Variants in GRIP2 observed in about 807,000 individuals in gnomAD.
GRIP2 encodes glutamate receptor interacting protein 2.
GRIP2 carries 58 observed loss-of-function variants against 108.3 expected under a neutral mutation model. That is an observed-to-expected ratio of 0.54 (90% confidence interval 0.43 to 0.67). GRIP2 has a LOEUF of 0.67. GRIP2 is among the 30% of genes least tolerant of loss of function. GRIP2 has a pLI of 0.00. For synonymous variants in GRIP2, 586 were observed against 598.2 expected (o/e 0.98, Z 0.30); for missense variants, 1,278 against 1,430.6 (o/e 0.89, Z 1.72).
the GRIP2 span, among the ~76,000 whole-genome samples, chr3:14,600,918 G>A: frequency 3.3e-5 from 5 of 152,150 alleles, no homozygotes; most frequent in African/African-American, 1.2e-4. Context: ...CTCAAGAGAT[G>A]TGTTCAGTGT....
Position 14,513,804 on chromosome 3 carries a change from C to T in GRIP2, c.1500G>A (p.Gly500=). 6.2e-7 allele frequency: 1 copy of T among 1,612,880 alleles called. No homozygotes were observed. The highest frequency in any genetic ancestry group is 8.5e-7 in the Non-Finnish European group (1 of 1,179,552). The change falls in exon 13 of 24, where the codon GGG becomes GGA. Residue 500 remains glycine, a synonymous_variant. Coordinates refer to ENST00000621039, the MANE Select transcript of GRIP2 (RefSeq NM_001080423.4). ...IEPDSPAERC[G]LLQVGDRVLS... ...GGACACGGTCCCCCACCTGCAGCAGCCCACACCTGAACCCAGGGGGCCCGG... is the reference window on the plus strand; with the variant it reads ...GGACACGGTCCCCCACCTGCAGCAGTCCACACCTGAACCCAGGGGGCCCGG...
chr3:14,566,505 G>A, the GRIP2 span, among the ~76,000 whole-genome samples: 7 of 152,252 alleles, frequency 4.6e-5, no homozygotes, highest in Non-Finnish European at 5.9e-5. Flanking sequence ...AACCGCAGCA[G>A]AGAATGCCAG....
upstream of GRIP2, among the ~76,000 whole-genome samples, chr3:14,546,503 C>G (rs1695060452): frequency 6.6e-6 from 1 of 152,140 alleles, no homozygotes; most frequent in Admixed American, 6.5e-5. Context: ...CTCTGAGCCT[C>G]ATTTTCCCCT....
intron 1 of GRIP2, among the ~76,000 whole-genome samples, chr3:14,532,056 G>A (rs1402628267): frequency 6.6e-6 from 1 of 152,210 alleles, no homozygotes; most frequent in Non-Finnish European, 1.5e-5. Context: ...GTTAGCAGAA[G>A]AGGCTCAGGG....
rs1701347120 is a variant in GRIP2, at chr3:14,491,978, G to A, written c.*1687C>T. 6.6e-6 allele frequency: 1 copy of A among 152,466 alleles called. No individual in the cohort carries two copies. Among genetic ancestry groups the A allele is most frequent in the Non-Finnish European group, 1.5e-5 (1 of 68,230 alleles). The allele number at this position is 152,466 out of a possible 1,614,324, so 9.4% of individuals were successfully genotyped here. ...CACAAGCATGCAGGGCCCTCAGGGA[G>A]GGCACCAAGGGGCAGAGCCCAGCGA... is the stretch of plus-strand genomic sequence containing the variant. On this transcript the variant is annotated 3_prime_UTR_variant, in exon 24 of 24. Transcript: ENST00000621039.
rs767518214 is a variant in GRIP2 at position 14,500,066 on chromosome 3, TAAAAC to T, written c.2679+3495_2679+3499del. 9.9e-5 allele frequency among the ~76,000 whole-genome samples: 15 copies of T among 151,964 alleles called. No homozygotes were observed. The East Asian group carries it at 1.4e-3, about 14-fold the overall frequency. ...GCCTTTAAAAAAAGACTATGAAGAT[TAAAAC>T]AAAACAAAACAAAACAAAATTGTAG... On this transcript the variant is annotated intron_variant, in intron 21 of 23. Transcript: ENST00000621039.
At chr3:14,550,457 A>G (rs1200258531) in intron 1 of GRIP2, among the ~76,000 whole-genome samples, 2 of 152,178 alleles carry the variant, frequency 1.3e-5, no homozygotes, top group Admixed American at 1.3e-4. Context: ...CCCTAGAAGA[A>G]GACACCAGCA....
At chr3:14,560,503 C>T (rs1340939700), upstream of GRIP2, among the ~76,000 whole-genome samples, 1 of 152,086 alleles carries the variant, frequency 6.6e-6, no homozygotes, top group Non-Finnish European at 1.5e-5. Context: ...TCCCCAGCCA[C>T]GGCAAGCAGC....
At chr3:14,567,109 C>T in the GRIP2 span, among the ~76,000 whole-genome samples, 1 of 152,198 alleles carries the variant, frequency 6.6e-6, no homozygotes, top group African/African-American at 2.4e-5. Context: ...AGTCCTGCTG[C>T]TTGAGGCCAG....
At chr3:14,533,416 G>A (rs1370104152) in intron 1 of GRIP2, among the ~76,000 whole-genome samples, 15 of 152,326 alleles carry the variant, frequency 9.8e-5, no homozygotes, top group Non-Finnish European at 1.6e-4. Context: ...AGAGAAAAGT[G>A]GGGGAGGGAG....
At chr3:14,572,947 A>C in the GRIP2 span, 18 of 1,437,488 alleles carry the variant, frequency 1.3e-5, no homozygotes, top group Non-Finnish European at 1.8e-5. Flanking sequence ...ACAGGATAGA[A>C]GTAGAAGAGG....
At chr3:14,503,514 G>A (rs1693825111) in intron 21 of GRIP2, 52 bp downstream of exon 21, 19 of 1,303,138 alleles carry the variant, frequency 1.5e-5, no homozygotes, top group Non-Finnish European at 2.0e-5. Flanking sequence ...ACACACACCA[G>A]AGTGAACAGC....
the GRIP2 span, among the ~76,000 whole-genome samples, chr3:14,592,710 G>A: frequency 2.0e-5 from 3 of 152,108 alleles, no homozygotes; most frequent in African/African-American, 4.8e-5. Context: ...TCCTTGTGGT[G>A]GCCTAGCACA....
chr3:14,544,675 C>T (rs566225593), upstream of GRIP2, among the ~76,000 whole-genome samples: 4 of 152,296 alleles, frequency 2.6e-5, no homozygotes, highest in African/African-American at 7.2e-5. Context: ...CTTCTTCCTC[C>T]GACCCTCCTC....
At chr3:14,592,637 T>A in the GRIP2 span, among the ~76,000 whole-genome samples, 2 of 151,874 alleles carry the variant, frequency 1.3e-5, no homozygotes, top group Non-Finnish European at 2.9e-5. Context: ...CCGGCGGGAG[T>A]GTTTGATGTC....
Position 14,540,086 on chromosome 3 carries a change from C to T in GRIP2, c.40+183G>A, listed in dbSNP as rs1383204758. Among the ~76,000 whole-genome samples the T allele has an allele frequency of 4.6e-5, 7 of 152,146 alleles. No individual in the cohort carries two copies. Among genetic ancestry groups the T allele is most frequent in the Non-Finnish European group, 7.4e-5 (5 of 68,004 alleles). On this transcript the variant is annotated intron_variant, in intron 1 of 23. Coordinates refer to ENST00000621039, the MANE Select transcript of GRIP2 (RefSeq NM_001080423.4). The surrounding 1 kb of genome is among the most constrained non-coding windows in gnomAD (Gnocchi z 4.1). The stretch of plus-strand genomic sequence containing the variant: ...GAGGCTCAGCCATCCTGCTACAGGA[C>T]AGTGGCCAGGGTCAGACAGACAGCC...
intron 1 of GRIP2, among the ~76,000 whole-genome samples, chr3:14,536,119 G>A (rs1424826234): frequency 6.6e-6 from 1 of 152,218 alleles, no homozygotes; most frequent in African/African-American, 2.4e-5. Context: ...TTAAAAATTT[G>A]AAGCCTCATT....
intron 9 of GRIP2, 29 bp from the exon 10 acceptor site, chr3:14,517,926 A>T: frequency 1.3e-6 from 2 of 1,519,014 alleles, no homozygotes; most frequent in Non-Finnish European, 1.8e-6. Flanking sequence ...GAGGAAAGAG[A>T]GGTGCAGGCG....
rs1272852387 is a variant in GRIP2 at position 14,512,676 on chromosome 3, G to C, written c.1720+101C>G. ...CCAAGCCTTTTCCTCGGGCCCCGCA[G>C]GGTGTCACGCCATGGAAATGCTGGT... On this transcript the variant is annotated intron_variant, in intron 14 of 23. Transcript: ENST00000621039. This position sits in a 1 kb window ranked among gnomAD's most constrained non-coding sequence, Gnocchi z 5.1. The C allele has an allele frequency of 1.7e-6, 2 of 1,147,834 alleles. No individual in the cohort carries two copies. The highest frequency in any genetic ancestry group is 2.8e-4 in the Middle Eastern group (1 of 3,524). 71.1% of individuals were successfully genotyped at this position (1,147,834 alleles called of 1,614,324 possible).
Sources: allele counts gnomAD v4.1 joint callset (sites outside exome capture counted in the v4.1 genomes callset), GRCh38; gene constraint gnomAD v4.1.1; non-coding constraint Gnocchi (gnomAD v3.1); transcripts MANE v1.5; gene names NCBI Gene and HGNC (gene_info 2026-07-23, HGNC 2026-07-21).